The following DPYSL2 variants were observed in gnomAD, a reference collection of about 807,000 sequenced individuals.
DPYSL2 encodes the protein dihydropyrimidinase-related protein 2.
Under a neutral mutation model 69.9 loss-of-function variants are expected in DPYSL2, and 13 were observed. The ratio of observed to expected loss-of-function variants is 0.19; its 90% confidence interval spans 0.12 to 0.30. The LOEUF (loss-of-function observed/expected upper bound fraction) is 0.30. DPYSL2 is among the 10% of genes least tolerant of loss of function. The pLI, the probability that DPYSL2 is intolerant of heterozygous loss-of-function variation, is 1.00. For missense variants in DPYSL2, 587 were observed against 918.9 expected (o/e 0.64, Z 4.67); for synonymous variants, 326 against 359.1 (o/e 0.91, Z 1.04).
intron 1 of DPYSL2, among the ~76,000 whole-genome samples, chr8:26,573,357 C>G (rs1286933451): frequency 6.6e-6 from 1 of 151,440 alleles, no homozygotes; most frequent in Non-Finnish European, 1.5e-5. Flanking sequence ...ACCCCCATCT[C>G]TACTAATAAT....
chr8:26,572,783 G>GC (rs1801260840), intron 1 of DPYSL2, among the ~76,000 whole-genome samples: 1 of 152,174 alleles, frequency 6.6e-6, no homozygotes, highest in South Asian at 2.1e-4. Flanking sequence ...ACAGGCATGA[G>GC]CTACTGCGCC....
chr8:26,567,298 C>CACCACACATCCATCCACCT (rs1182362262), intron 1 of DPYSL2, among the ~76,000 whole-genome samples: 33,299 of 150,236 alleles, frequency 0.22, 4,701 homozygotes, highest in African/African-American at 0.39. Flanking sequence ...TCCATCCACC[C>CACCACACATCCATCCACCT]ACCACACATC....
chr8:26,578,570 TGA>T, intron 1 of DPYSL2: 1 of 1,347,670 alleles, frequency 7.4e-7, no homozygotes, highest in Non-Finnish European at 9.5e-7. Context: ...TTATTGTCAG[TGA>T]GAGATGCTGC....
intron 3 of DPYSL2, among the ~76,000 whole-genome samples, chr8:26,590,061 G>A (rs60363907): frequency 0.025 from 3,770 of 152,278 alleles, 148 homozygotes; most frequent in African/African-American, 0.085. Context: ...TCCTTATGGC[G>A]AGTACACACG....
chr8:26,588,658 A>G lies in DPYSL2; in HGVS notation c.628+4675A>G, dbSNP rs1432822195. 1.3e-5 allele frequency among the ~76,000 whole-genome samples: 2 copies of G among 152,122 alleles called. No individual in the cohort carries two copies. Among genetic ancestry groups the G allele is most frequent in the Non-Finnish European group, 2.9e-5 (2 of 68,016 alleles). On this transcript the variant is annotated intron_variant, in intron 3 of 13. Transcript: ENST00000521913. This position sits in a 1 kb window ranked among gnomAD's most constrained non-coding sequence, Gnocchi z 5.4. The stretch of plus-strand genomic sequence containing the variant: ...GGAGGAGGGGAGGTGCTGCTGCCGC[A>G]GGGCTGGAAGGGGCCCTCCCTCCTG...
At chr8:26,603,432 G>A (rs13260473) in intron 3 of DPYSL2, among the ~76,000 whole-genome samples, 19,562 of 152,126 alleles carry the variant, frequency 0.13, 1,535 homozygotes, top group South Asian at 0.18. Flanking sequence ...TGGCCTCCCA[G>A]AGTGCTGGGA....
chr8:26,635,138 G>T (rs2129943858), intron 8 of DPYSL2, among the ~76,000 whole-genome samples: 1 of 152,380 alleles, frequency 6.6e-6, no homozygotes, highest in East Asian at 1.9e-4. Context: ...GGCGGGGTGG[G>T]CAGGCACATG....
rs1801729971 is a variant in DPYSL2, at chr8:26,591,690, G to C, written c.628+7707G>C. Among the ~76,000 whole-genome samples, 1 of 152,188 alleles carries C rather than the reference G, an allele frequency of 6.6e-6. No homozygotes were observed. The highest frequency in any genetic ancestry group is 1.5e-5 in the Non-Finnish European group (1 of 68,032). ...ATATGAGACTGATGAATGCAGAACT[G>C]CTCTGGTTGGAATGGTGGGTGGCAG... On this transcript the variant is annotated intron_variant, in intron 3 of 13. Coordinates refer to ENST00000521913, the MANE Select transcript of DPYSL2 (RefSeq NM_001197293.3). The surrounding 1 kb of genome is among the most constrained non-coding windows in gnomAD (Gnocchi z 5.8).
At chr8:26,634,752 A>T in intron 7 of DPYSL2, 28 bp from the exon 8 acceptor site, 1 of 1,613,676 alleles carries the variant, frequency 6.2e-7, no homozygotes, top group African/African-American at 1.3e-5. Flanking sequence ...GCTGAGCCAC[A>T]TTCTCATGCT....
At position 26,648,838 on chromosome 8, in the gene DPYSL2, T is replaced by C. The variant is rs1173418397; in HGVS notation, c.1596+1038T>C. 2.6e-5 allele frequency among the ~76,000 whole-genome samples: 4 copies of C among 152,256 alleles called. No homozygotes were observed. The highest frequency in any genetic ancestry group is 5.9e-5 in the Non-Finnish European group (4 of 68,036). Reference sequence around the variant, plus strand: ...CAATGGGCTCAGGCTCAGCTCTGGCTTCTGCCACCTGTGAGGACCAGGGTG... The same window carrying C: ...CAATGGGCTCAGGCTCAGCTCTGGCCTCTGCCACCTGTGAGGACCAGGGTG... On this transcript the variant is annotated intron_variant, in intron 11 of 13. Coordinates refer to ENST00000521913, the MANE Select transcript of DPYSL2 (RefSeq NM_001197293.3). The surrounding 1 kb of genome is among the most constrained non-coding windows in gnomAD (Gnocchi z 4.3).
intron 1 of DPYSL2, among the ~76,000 whole-genome samples, chr8:26,532,745 A>C (rs1279643227): frequency 6.6e-6 from 1 of 152,226 alleles, no homozygotes; most frequent in African/African-American, 2.4e-5. Flanking sequence ...GTATGGATAT[A>C]ATACCTGTTT....
At chr8:26,634,952 A>T (rs1367312118) in intron 8 of DPYSL2, 52 bp downstream of exon 8, 2 of 1,605,612 alleles carry the variant, frequency 1.2e-6, no homozygotes, top group Admixed American at 1.7e-5. Context: ...TTTGGAGGGG[A>T]GGGGGGCTCC....
chr8:26,532,050 T>C (rs952044364), intron 1 of DPYSL2, among the ~76,000 whole-genome samples: 2 of 151,942 alleles, frequency 1.3e-5, no homozygotes, highest in Non-Finnish European at 2.9e-5. Flanking sequence ...GAAGCCATGA[T>C]CATGTTTGTG....
chr8:26,548,032 AAG>A (rs1800808427), intron 1 of DPYSL2: 1 of 258,890 alleles, frequency 3.9e-6, no homozygotes, highest in East Asian at 9.0e-5. Flanking sequence ...TGGACTCTCA[AAG>A]AGAAATGCAT....
At chr8:26,628,631 A>T (rs1308335591) in intron 7 of DPYSL2, among the ~76,000 whole-genome samples, 1 of 152,210 alleles carries the variant, frequency 6.6e-6, no homozygotes, top group Non-Finnish European at 1.5e-5. Context: ...AGGGGCCCTG[A>T]CTAGGGAGCA....
chr8:26,523,984 G>A (rs1373210815), intron 1 of DPYSL2, among the ~76,000 whole-genome samples: 1 of 152,208 alleles, frequency 6.6e-6, no homozygotes, highest in Non-Finnish European at 1.5e-5. Flanking sequence ...TATGAACACG[G>A]CTATGCAAAT....
intron 1 of DPYSL2, among the ~76,000 whole-genome samples, chr8:26,581,757 A>G (rs952448759): frequency 6.6e-6 from 1 of 151,036 alleles, no homozygotes; most frequent in Non-Finnish European, 1.5e-5. Flanking sequence ...TGGTTCGTTT[A>G]TCTAGGATAA....
In DPYSL2 at chr8:26,644,509, C is replaced by G. The variant is rs142175789; in HGVS notation, c.1425+418C>G. 5.3e-5 allele frequency among the ~76,000 whole-genome samples: 8 copies of G among 151,810 alleles called. No individual in the cohort carries two copies. The East Asian group carries it at 1.6e-3, about 30-fold the overall frequency. ...ATTTTTTGTGGAGATGGGGGTCTCACTATGTTGCCCAGGCTGGTCTCGAGT... is the reference window on the plus strand; with the variant it reads ...ATTTTTTGTGGAGATGGGGGTCTCAGTATGTTGCCCAGGCTGGTCTCGAGT... On this transcript the variant is annotated intron_variant, in intron 10 of 13. Transcript: ENST00000521913. The surrounding 1 kb of genome is among the most constrained non-coding windows in gnomAD (Gnocchi z 4.5).
intron 1 of DPYSL2, among the ~76,000 whole-genome samples, chr8:26,574,167 T>A (rs1282798741): frequency 1.3e-5 from 2 of 152,054 alleles, no homozygotes; most frequent in Admixed American, 1.3e-4. Context: ...TGGGGAAAAC[T>A]TCATAGACAT....
Sources: gnomAD v4.1 joint callset for allele counts (sites outside exome capture counted in the v4.1 genomes callset) on GRCh38, gnomAD v4.1.1 for gene constraint, Gnocchi (gnomAD v3.1) non-coding constraint, MANE v1.5 for transcripts, NCBI Gene and HGNC (gene_info 2026-07-23, HGNC 2026-07-21) for gene names.